The following RNASET2 variants were observed in gnomAD, a reference collection of about 807,000 sequenced individuals.
RNASET2 encodes the protein ribonuclease 6.
A neutral mutation model predicts 33.9 loss-of-function variants in RNASET2; 28 were observed. The observed-to-expected ratio is 0.83, with a 90% CI of 0.61 to 1.13. The LOEUF (loss-of-function observed/expected upper bound fraction) is 1.13, where lower values mean the gene tolerates loss of function less well. RNASET2 is among the 50% of genes most tolerant of loss of function. RNASET2 has a pLI of 0.00. For synonymous variants in RNASET2, 123 were observed against 121.0 expected (o/e 1.02, Z -0.11); for missense variants, 330 against 319.9 (o/e 1.03, Z -0.24).
At chr6:166,956,069 C>G in intron 1 of RNASET2, 28 bp downstream of exon 1, 1 of 1,548,082 alleles carries the variant, frequency 6.5e-7, no homozygotes, top group Non-Finnish European at 8.7e-7. Context: ...CTCCCACGCT[C>G]CCCACTTTAC....
At chr6:166,950,225 G>A (rs542894212) in intron 2 of RNASET2, among the ~76,000 whole-genome samples, 5 of 139,950 alleles carry the variant, frequency 3.6e-5, no homozygotes, top group Non-Finnish European at 7.6e-5. Context: ...TCCTTCTTCC[G>A]TAGGAACCAA....
At chr6:166,934,232 C>G in intron 6 of RNASET2, 96 bp from the exon 7 acceptor site, 1 of 836,924 alleles carries the variant, frequency 1.2e-6, no homozygotes, top group Non-Finnish European at 2.0e-6. Flanking sequence ...AAAATTAAGA[C>G]ACTCTTAAAG....
At chr6:166,940,162 C>T (rs1262053134) in intron 5 of RNASET2, among the ~76,000 whole-genome samples, 1 of 152,174 alleles carries the variant, frequency 6.6e-6, no homozygotes, top group Non-Finnish European at 1.5e-5. Context: ...AGATGTTTAT[C>T]ATCTTTAGCA....
rs1372887551 is a variant in RNASET2, at chr6:166,925,124, C to T, written c.*4464G>A. On this transcript the variant is annotated 3_prime_UTR_variant, in exon 9 of 9. Transcript: ENST00000508775. ...AAAACCGGAACAGCACAGCCCTCAC[C>T]TCTGCTGCCCAGGCCTCATCTACGC... 2.0e-5 allele frequency among the ~76,000 whole-genome samples: 3 copies of T among 150,450 alleles called. No individual in the cohort carries two copies. The highest frequency in any genetic ancestry group is 7.4e-5 in the African/African-American group (3 of 40,316).
At position 166,939,002 on chromosome 6, in the gene RNASET2, A is replaced by G. The variant is rs1778635908; in HGVS notation, c.339T>C (p.His113=). ...SFPNRSRFWK[H]EWEKHGTCAA... is the part of the protein sequence containing the mutation. ...CGCAGGTCCCATGCTTTTCCCACTC[A>G]TGCTTCCTGTGAGGATTAGGAAAAA... Residue 113 remains histidine, a synonymous_variant, in exon 6 of 9, where the codon CAT becomes CAC. Transcript: ENST00000508775. 1 of 1,611,306 alleles carries G rather than the reference A, an allele frequency of 6.2e-7. No homozygotes were observed. Among genetic ancestry groups the G allele is most frequent in the Non-Finnish European group, 8.5e-7 (1 of 1,178,396 alleles).
At position 166,927,804 on chromosome 6, in the gene RNASET2, G is replaced by A. The variant is rs1778331128; in HGVS notation, c.*1784C>T. Among the ~76,000 whole-genome samples the A allele has an allele frequency of 6.6e-6, 1 of 151,306 alleles. No individual in the cohort carries two copies. The highest frequency in any genetic ancestry group is 1.5e-5 in the Non-Finnish European group (1 of 67,986). ...CTCTAAAGTACACCCACTCCCTGAG[G>A]ACGCAGAGCAAATGCAGGAAATCAC... On this transcript the variant is annotated 3_prime_UTR_variant, in exon 9 of 9. Transcript: ENST00000508775.
chr6:166,951,382 A>G (rs1171699274), intron 2 of RNASET2, among the ~76,000 whole-genome samples: 1 of 152,222 alleles, frequency 6.6e-6, no homozygotes, highest in African/African-American at 2.4e-5. Flanking sequence ...CCTGACTGAT[A>G]TGAGGCCTAT....
Position 166,928,694 on chromosome 6 carries a change from C to T in RNASET2, c.*894G>A, listed in dbSNP as rs1477301385. ...AACACATGGAAAGCTCCTCACTGCA[C>T]AGCCCCCAGATGCCTCACTCCACGA... On this transcript the variant is annotated 3_prime_UTR_variant, in exon 9 of 9. Coordinates refer to ENST00000508775, the MANE Select transcript of RNASET2 (RefSeq NM_003730.6). Among the ~76,000 whole-genome samples the T allele has an allele frequency of 6.6e-6, 1 of 152,242 alleles. No individual in the cohort carries two copies. The highest frequency in any genetic ancestry group is 1.5e-5 in the Non-Finnish European group (1 of 68,044).
intron 3 of RNASET2, 103 bp downstream of exon 3, chr6:166,948,467 C>A (rs546618592): frequency 3.9e-4 from 313 of 795,224 alleles, no homozygotes; most frequent in Non-Finnish European, 6.3e-4. Context: ...TGGATAAACT[C>A]CTAAAAATAA....
At chr6:166,938,317 G>A (rs1007040588) in intron 6 of RNASET2, among the ~76,000 whole-genome samples, 1 of 152,128 alleles carries the variant, frequency 6.6e-6, no homozygotes, top group Non-Finnish European at 1.5e-5. Flanking sequence ...CAGTGAGTGG[G>A]CTCGGTGTGG....
rs112725105 is a variant in RNASET2, at chr6:166,926,456, C to T, written c.*3132G>A. 0.017 allele frequency among the ~76,000 whole-genome samples: 2,622 copies of T among 151,478 alleles called. 75 individuals are homozygous for T. The highest frequency in any genetic ancestry group is 0.06 in the African/African-American group (2,462 of 41,198). ...GGCTGAGGCAGAAGAATTGCTTGAA[C>T]CCAGGAGACAGAGGTTGCAGTGAGC... is the stretch of plus-strand genomic sequence containing the variant. On this transcript the variant is annotated 3_prime_UTR_variant, in exon 9 of 9. Coordinates refer to ENST00000508775, the MANE Select transcript of RNASET2 (RefSeq NM_003730.6).
chr6:166,935,493 C>A (rs1456808262), intron 6 of RNASET2, among the ~76,000 whole-genome samples: 1 of 152,124 alleles, frequency 6.6e-6, no homozygotes, highest in Non-Finnish European at 1.5e-5. Context: ...CAGCATCATG[C>A]TTTCTGCTGA....
At chr6:166,955,673 G>T in intron 1 of RNASET2, 1 of 1,050,476 alleles carries the variant, frequency 9.5e-7, no homozygotes, top group Non-Finnish European at 1.2e-6. Context: ...AGTGTACCCA[G>T]GACCTCACCC....
intron 3 of RNASET2, chr6:166,948,368 A>T: frequency 3.1e-6 from 2 of 643,190 alleles, no homozygotes; most frequent in Non-Finnish European, 5.6e-6. Flanking sequence ...AAAAAGTGTT[A>T]TTGTTCTATG....
In RNASET2 at chr6:166,926,194, C is replaced by T. The variant is rs144919649; in HGVS notation, c.*3394G>A. Among the ~76,000 whole-genome samples the T allele has an allele frequency of 5.3e-5, 8 of 151,786 alleles. No individual in the cohort carries two copies. The highest frequency in any genetic ancestry group is 3.4e-3 in the Middle Eastern group (1 of 292). ...CTTTGAGGTTTCTACCTGGAATAAG[C>T]GGATGGTGATGTCATTCACCGAGAT... On this transcript the variant is annotated 3_prime_UTR_variant, in exon 9 of 9. Transcript: ENST00000508775.
chr6:166,934,697 C>T (rs1368558931), intron 6 of RNASET2: 2 of 164,300 alleles, frequency 1.2e-5, no homozygotes, highest in Non-Finnish European at 2.7e-5. Context: ...TAGAGTCACA[C>T]ACTGTACAGG....
chr6:166,936,931 T>G (rs1287794767), intron 6 of RNASET2, among the ~76,000 whole-genome samples: 3 of 152,200 alleles, frequency 2.0e-5, no homozygotes, highest in Non-Finnish European at 2.9e-5. Context: ...TTAAATGAAC[T>G]GGTTTATGGA....
intron 1 of RNASET2, 131 bp downstream of exon 1, chr6:166,955,966 C>T: frequency 8.9e-7 from 1 of 1,117,780 alleles, no homozygotes; most frequent in Non-Finnish European, 1.3e-6. Flanking sequence ...GCGTGCTCGG[C>T]TCCCCCCGCC....
At chr6:166,942,237 G>C (rs1778710120) in intron 5 of RNASET2, among the ~76,000 whole-genome samples, 1 of 152,016 alleles carries the variant, frequency 6.6e-6, no homozygotes, top group South Asian at 2.1e-4. Flanking sequence ...ATTTTTAGTA[G>C]AGATGGGGTT....
Sources: gnomAD v4.1 joint callset for allele counts (sites outside exome capture counted in the v4.1 genomes callset) on GRCh38, gnomAD v4.1.1 for gene constraint, MANE v1.5 for transcripts, NCBI Gene and HGNC (gene_info 2026-07-23, HGNC 2026-07-21) for gene names.